The following COL9A3 variants were observed in gnomAD, a reference collection of about 807,000 sequenced individuals.
COL9A3 encodes collagen type IX alpha 3 chain.
A neutral mutation model predicts 110.2 loss-of-function variants in COL9A3; 82 were observed. The observed-to-expected ratio is 0.74, with a 90% CI of 0.62 to 0.89. The LOEUF is 0.89. Ranked by LOEUF, COL9A3 falls within the 40% of genes least tolerant of loss-of-function variation. COL9A3 has a pLI of 0.00. For synonymous variants in COL9A3, 494 were observed against 403.8 expected (o/e 1.22, Z -2.68); for missense variants, 1,066 against 981.3 (o/e 1.09, Z -1.15).
intron 26 of COL9A3, among the ~76,000 whole-genome samples, chr20:62,834,610 A>C (rs1169680190): frequency 6.6e-6 from 1 of 152,126 alleles, no homozygotes; most frequent in Non-Finnish European, 1.5e-5. Context: ...TGGGGACAAA[A>C]GACCTCAGTT....
In COL9A3 at chr20:62,830,508, C is replaced by A. The variant is rs2063587023; in HGVS notation, c.1216-9C>A. The A allele has an allele frequency of 6.2e-7, 1 of 1,607,656 alleles. No homozygotes were observed. Among genetic ancestry groups the A allele is most frequent in the Non-Finnish European group, 8.5e-7 (1 of 1,178,184 alleles). ...ATGGGCACTGACGAGCCAGGACCTC[C>A]TTCCCCAGGGCCAGAAGGGCAGCAT... On this transcript the variant is annotated splice_polypyrimidine_tract_variant and intron_variant, in intron 23 of 31. Transcript: ENST00000649368.
chr20:62,830,538 G>A lies in COL9A3; in HGVS notation c.1237G>A (p.Asp413Asn), dbSNP rs1027914713. 3.1e-6 allele frequency: 5 copies of A among 1,608,592 alleles called. No homozygotes were observed. The highest frequency in any genetic ancestry group is 4.2e-6 in the Non-Finnish European group (5 of 1,178,474). Reference sequence around the variant, plus strand: ...CCAGGGCCAGAAGGGCAGCATGGGAGACCCCGGCCTTCCAGGCCCCCAGGG... The same window carrying A: ...CCAGGGCCAGAAGGGCAGCATGGGAAACCCCGGCCTTCCAGGCCCCCAGGG... Reference protein sequence around the residue: ...GFQGQKGSMGDPGLPGPQGLR... With the variant: ...GFQGQKGSMGNPGLPGPQGLR... Residue 413 changes from aspartate to asparagine, a missense_variant, in exon 24 of 32, where the codon GAC becomes AAC. Coordinates refer to ENST00000649368, the MANE Select transcript of COL9A3 (RefSeq NM_001853.4).
chr20:62,832,276 G>A, intron 25 of COL9A3, 87 bp downstream of exon 25: 1 of 1,417,564 alleles, frequency 7.1e-7, no homozygotes, highest in Non-Finnish European at 9.9e-7. Context: ...CTCTGGCCCT[G>A]GCTGTGTTTT....
At chr20:62,819,775 C>T (rs1012845288) in intron 4 of COL9A3, among the ~76,000 whole-genome samples, 154 bp from the exon 5 acceptor site, 4 of 152,226 alleles carry the variant, frequency 2.6e-5, no homozygotes, top group Non-Finnish European at 4.4e-5. Context: ...AGCAGGCAGA[C>T]AGTGGACAGG....
intron 10 of COL9A3, 22 bp from the exon 11 acceptor site, chr20:62,824,423 T>A: frequency 6.3e-7 from 1 of 1,590,842 alleles, no homozygotes; most frequent in Non-Finnish European, 8.6e-7. Context: ...GGGAGGGGTC[T>A]GACTGCTCTG....
At position 62,829,763 on chromosome 20, in the gene COL9A3, T is replaced by TA. The variant is rs770515449; in HGVS notation, c.1108-2dup. On this transcript the variant is annotated splice_region_variant and splice_polypyrimidine_tract_variant and intron_variant, in intron 21 of 31. Transcript: ENST00000649368. ...CCTGACACCCTCCTTCCTTTCCCTGTAGGGAGATGCTGGCATGCCTGGGGA... is the reference window on the plus strand; with the variant it reads ...CCTGACACCCTCCTTCCTTTCCCTGTAAGGGAGATGCTGGCATGCCTGGGGA... 6.3e-7 allele frequency: 1 copy of TA among 1,591,250 alleles called. No homozygotes were observed. Among genetic ancestry groups the TA allele is most frequent in the South Asian group, 1.1e-5 (1 of 87,612 alleles).
intron 26 of COL9A3, among the ~76,000 whole-genome samples, 166 bp downstream of exon 26, chr20:62,833,230 C>T (rs2063610146): frequency 6.6e-6 from 1 of 152,196 alleles, no homozygotes; most frequent in Non-Finnish European, 1.5e-5. Flanking sequence ...GAGGCCTTGG[C>T]CACTGGCCAT....
chr20:62,824,804 G>A (rs905227363), intron 11 of COL9A3, among the ~76,000 whole-genome samples, 164 bp from the exon 12 acceptor site: 3 of 152,132 alleles, frequency 2.0e-5, no homozygotes, highest in Non-Finnish European at 2.9e-5. Context: ...GGGTCCTAGC[G>A]CCTCTCAGGC....
upstream of COL9A3, among the ~76,000 whole-genome samples, chr20:62,816,538 G>T (rs546746477): frequency 7.5e-4 from 115 of 152,336 alleles, no homozygotes; most frequent in African/African-American, 2.6e-3. Context: ...GCTGGACAGT[G>T]ACCCCGGAGC....
rs776296030 is a variant in COL9A3, at chr20:62,827,954, T to G, written c.878T>G (p.Val293Gly). 1 of 1,612,874 alleles carries G rather than the reference T, an allele frequency of 6.2e-7. No homozygotes were observed. Among genetic ancestry groups the G allele is most frequent in the South Asian group, 1.1e-5 (1 of 91,082 alleles). Residue 293 changes from valine to glycine, a missense_variant, in exon 17 of 32, where the codon GTG (valine) becomes GGG (glycine). By Grantham distance (109) the Val-to-Gly change is moderately radical (BLOSUM62 -3). Transcript: ENST00000649368. Reference sequence around the variant, plus strand: ...CCTGGTCCCAAGGGAACCCCCGGAGTGGCCGGGCCAAGCGGAGAGCCGGTG... The same window carrying G: ...CCTGGTCCCAAGGGAACCCCCGGAGGGGCCGGGCCAAGCGGAGAGCCGGTG... ...GRPGPKGTPG[V>G]AGPSGEPGMP...
At chr20:62,822,724 CAAG>C in intron 10 of COL9A3, 92 bp downstream of exon 10, 1 of 1,415,202 alleles carries the variant, frequency 7.1e-7, no homozygotes, top group Non-Finnish European at 9.9e-7. Flanking sequence ...TCCATACTGG[CAAG>C]AAGGCAGGGC....
intron 9 of COL9A3, 70 bp from the exon 10 acceptor site, chr20:62,822,521 G>A: frequency 1.3e-6 from 2 of 1,533,098 alleles, no homozygotes; most frequent in African/African-American, 1.4e-5. Context: ...CAGAGAGTGG[G>A]TGGGTGGGTT....
Position 62,830,507 on chromosome 20 carries a change from C to T in COL9A3, c.1216-10C>T, listed in dbSNP as rs1160353045. 3.3e-5 allele frequency: 53 copies of T among 1,607,660 alleles called. No homozygotes were observed. The highest frequency in any genetic ancestry group is 4.3e-5 in the Non-Finnish European group (51 of 1,178,132). ...TATGGGCACTGACGAGCCAGGACCT[C>T]CTTCCCCAGGGCCAGAAGGGCAGCA... On this transcript the variant is annotated splice_polypyrimidine_tract_variant and intron_variant, in intron 23 of 31. Coordinates refer to ENST00000649368, the MANE Select transcript of COL9A3 (RefSeq NM_001853.4).
Position 62,832,062 on chromosome 20 carries a change from T to G in COL9A3, c.1288-92T>G, listed in dbSNP as rs1417805617. ...CCTTTGTGCAGCACAGATGGAGATGTGGGGAGGTGTTTACCATTCCTGGGC... is the reference window on the plus strand; with the variant it reads ...CCTTTGTGCAGCACAGATGGAGATGGGGGGAGGTGTTTACCATTCCTGGGC... On this transcript the variant is annotated intron_variant, in intron 24 of 31. Transcript: ENST00000649368. The G allele has an allele frequency of 1.2e-5, 14 of 1,210,784 alleles. No individual in the cohort carries two copies. The East Asian group carries it at 3.2e-4, about 28-fold the overall frequency. 75.0% of individuals were successfully genotyped at this position (1,210,784 alleles called of 1,614,324 possible). A position where few individuals can be genotyped will look rare whatever the true frequency, so the allele number is the denominator to read the frequency against.
Position 62,818,502 on chromosome 20 carries a change from G to A in COL9A3, c.148-16G>A. On this transcript the variant is annotated splice_polypyrimidine_tract_variant and intron_variant, in intron 2 of 31. Transcript: ENST00000649368. Reference sequence around the variant, plus strand: ...CCCTGATTTTCAGGGTTACATGTGGGTGTCTTTCCTCACAGGGAGAAGCTG... The same window carrying A: ...CCCTGATTTTCAGGGTTACATGTGGATGTCTTTCCTCACAGGGAGAAGCTG... The A allele has an allele frequency of 6.2e-7, 1 of 1,612,744 alleles. No homozygotes were observed. Among genetic ancestry groups the A allele is most frequent in the Non-Finnish European group, 8.5e-7 (1 of 1,179,684 alleles).
chr20:62,832,169 G>T lies in COL9A3; in HGVS notation c.1303G>T (p.Ala435Ser). ...DVGDRGPGGA[A>S]GPKGDQGIAG... is the part of the protein sequence containing the mutation. ...CCACATCCAGGGTCCGGGAGGTGCC[G>T]CAGGCCCTAAGGGAGACCAGGTGAG... The change falls in exon 25 of 32, where the codon GCA becomes TCA. Residue 435 changes from alanine (A) to serine (S), a missense_variant. Transcript: ENST00000649368. 6.2e-7 allele frequency: 1 copy of T among 1,612,960 alleles called. No individual in the cohort carries two copies. Among genetic ancestry groups the T allele is most frequent in the Middle Eastern group, 1.6e-4 (1 of 6,062 alleles).
intron 5 of COL9A3, 131 bp from the exon 6 acceptor site, chr20:62,821,050 C>G: frequency 1.1e-6 from 1 of 920,876 alleles, no homozygotes; most frequent in Non-Finnish European, 1.7e-6. Flanking sequence ...GAGGCCCTGC[C>G]CCTCTGTGAA....
chr20:62,826,219 C>T lies in COL9A3; in HGVS notation c.700C>T (p.Arg234Ter), dbSNP rs1027769042. 1.1e-5 allele frequency: 17 copies of T among 1,562,558 alleles called. No homozygotes were observed. Among genetic ancestry groups the T allele is most frequent in the Admixed American group, 1.9e-5 (1 of 52,978 alleles). The change falls in exon 14 of 32, where the codon CGA becomes TGA. Residue 234 changes from arginine to a stop codon, truncating the protein, a stop_gained. Transcript: ENST00000649368. LOFTEE classifies it high-confidence loss of function. ...SVGLQGPRGL[R>*]GLPGPLGPPG... ...TCTCTCGCAGGGCCCCCGGGGATTA[C>T]GAGGACTGCCAGGGCCACTCGGGCC...
chr20:62,819,505 G>A (rs1224225379), intron 4 of COL9A3, among the ~76,000 whole-genome samples: 2 of 152,214 alleles, frequency 1.3e-5, no homozygotes, highest in East Asian at 1.9e-4. Context: ...CAGTGGAGTC[G>A]GAAGTCCCGC....
Sources: allele counts gnomAD v4.1 joint callset (sites outside exome capture counted in the v4.1 genomes callset), GRCh38; gene constraint gnomAD v4.1.1; transcripts MANE v1.5; gene names NCBI Gene and HGNC (gene_info 2026-07-23, HGNC 2026-07-21).